STS: variants seen among roughly 807,000 people sequenced by gnomAD.
STS encodes the protein steryl-sulfatase.
STS carries 7 observed loss-of-function variants against 26.8 expected under a neutral mutation model. That is an observed-to-expected ratio of 0.26 (90% CI 0.15 to 0.49). The LOEUF (loss-of-function observed/expected upper bound fraction) is 0.49. STS is among the 20% of genes least tolerant of loss of function. STS has a pLI of 0.98. For synonymous variants in STS, 199 were observed against 189.4 expected, an observed-to-expected ratio of 1.05 and a Z score of -0.42; for missense variants, 434 against 465.6, an observed-to-expected ratio of 0.93 and a Z score of 0.63.
chrX:7,257,129 G>A (rs371667398), intron 3 of STS, 113 bp from the exon 4 acceptor site: 33 of 1,047,665 alleles, frequency 3.1e-5, no homozygotes, highest in Middle Eastern at 3.6e-4. Context: ...AGTGTGAGCC[G>A]AGATTGCGCC....
chrX:7,287,983 A>AT lies in STS; in HGVS notation c.943+11905dup, dbSNP rs1484204810. On this transcript the variant is annotated intron_variant, in intron 7 of 10. Transcript: ENST00000674429. ...ATCGGGTGAAAAATGCTAGTTCACTATTTTTTTTTCTATTGTGTGTAGGGT... is the reference window on the plus strand; with the variant it reads ...ATCGGGTGAAAAATGCTAGTTCACTATTTTTTTTTTCTATTGTGTGTAGGGT... 6.7e-3 allele frequency among the ~76,000 whole-genome samples: 721 copies of AT among 108,220 alleles called. 2 individuals carry two copies. Among genetic ancestry groups the AT allele is most frequent in the Non-Finnish European group, 0.01 (522 of 52,036 alleles). The allele number at this position is 108,220 out of a possible 115,157, so 94.0% of individuals were successfully genotyped here.
In STS at chrX:7,259,721, A is replaced by T. The variant is rs142920349; in HGVS notation, c.755A>T (p.Tyr252Phe). The change falls in exon 6 of 11, where the codon TAT (tyrosine) becomes TTT (phenylalanine). Residue 252 changes from tyrosine to phenylalanine, a missense_variant. Coordinates refer to ENST00000674429, the MANE Select transcript of STS (RefSeq NM_001320752.2). ...GAGATCATTCAGCAGCCCATGTCCTATGACAATCTCACCCAGAGGCTAACG... is the reference window on the plus strand; with the variant it reads ...GAGATCATTCAGCAGCCCATGTCCTTTGACAATCTCACCCAGAGGCTAACG... ...NYEIIQQPMSYDNLTQRLTVE... is the reference protein window; with the variant it reads ...NYEIIQQPMSFDNLTQRLTVE... 59 of 1,209,176 alleles carry T rather than the reference A, an allele frequency of 4.9e-5. No homozygotes were observed. The African/African-American group carries it at 8.9e-4, about 18-fold the overall frequency.
At position 7,183,696 on chromosome X, in the gene STS, A is replaced by G. The variant is rs1270492621; in HGVS notation, c.-133-7184A>G. On this transcript the variant is annotated intron_variant, in intron 1 of 10. Coordinates refer to ENST00000674429, the MANE Select transcript of STS (RefSeq NM_001320752.2). ...TTCTTTTTGAGATTTCAAATCACCA[A>G]TTAGCTCTTTCAAAATTGTAATACC... Among the ~76,000 whole-genome samples the G allele has an allele frequency of 2.7e-5, 3 of 112,303 alleles. No individual in the cohort carries two copies. In the Admixed American group the frequency reaches 2.8e-4, roughly 11 times the overall value.
At chrX:7,191,077 T>C in intron 2 of STS, 69 bp downstream of exon 2, 1 of 625,269 alleles carries the variant, frequency 1.6e-6, no homozygotes, top group Non-Finnish European at 1.9e-6. Context: ...ACCCAGACCA[T>C]GTTGTCTAAG....
intron 2 of STS, among the ~76,000 whole-genome samples, chrX:7,198,540 G>C (rs1290678316): frequency 6.3e-5 from 7 of 111,966 alleles, no homozygotes; most frequent in African/African-American, 2.3e-4. Flanking sequence ...TTGTCCTACA[G>C]AGGTGGTGTG....
intron 1 of STS, among the ~76,000 whole-genome samples, chrX:7,163,854 C>T (rs1159179591): frequency 2.7e-5 from 3 of 112,191 alleles, no homozygotes; most frequent in African/African-American, 9.7e-5. Flanking sequence ...GGGTCTCATT[C>T]TGTCACCAGG....
chrX:7,148,233 C>T, intron 1 of STS, 150 bp downstream of exon 1: 3 of 357,462 alleles, frequency 8.4e-6, no homozygotes, highest in Non-Finnish European at 9.3e-6. Flanking sequence ...ACGCGCCTTC[C>T]GCGGCCCCTC....
In STS at chrX:7,341,574, A is replaced by G. The variant is rs749082534; in HGVS notation, c.1363+7467A>G. Reference sequence around the variant, plus strand: ...TGCCTTCCTCACTCCGTTATCTGCCATGATCAGACAGTAATCTCCAGTGCC... The same window carrying G: ...TGCCTTCCTCACTCCGTTATCTGCCGTGATCAGACAGTAATCTCCAGTGCC... On this transcript the variant is annotated intron_variant, in intron 10 of 10. Coordinates refer to ENST00000674429, the MANE Select transcript of STS (RefSeq NM_001320752.2). Among the ~76,000 whole-genome samples, 11 of 112,116 alleles carry G rather than the reference A, an allele frequency of 9.8e-5. No individual in the cohort carries two copies. In the East Asian group the frequency reaches 2.8e-3, roughly 29 times the overall value.
chrX:7,258,105 CATAGATAGATAGAT>C (rs1426101794), intron 5 of STS, among the ~76,000 whole-genome samples: 1 of 92,669 alleles, frequency 1.1e-5, no homozygotes, highest in Non-Finnish European at 2.1e-5. Context: ...GAAAAACAGA[CATAGATAGATAGAT>C]AGATAGATAG....
intron 2 of STS, among the ~76,000 whole-genome samples, chrX:7,202,206 A>G (rs1934086025): frequency 8.9e-6 from 1 of 111,858 alleles, no homozygotes; most frequent in Non-Finnish European, 1.9e-5. Context: ...ATTATATAAC[A>G]TAAGGTATAT....
chrX:7,265,734 C>T (rs1407903599), intron 6 of STS, among the ~76,000 whole-genome samples: 2 of 112,200 alleles, frequency 1.8e-5, no homozygotes, highest in African/African-American at 3.2e-5. Context: ...ATCTTGTACA[C>T]TGTGTACATT....
At chrX:7,245,149 G>C (rs1316094895) in intron 2 of STS, among the ~76,000 whole-genome samples, 1 of 111,012 alleles carries the variant, frequency 9.0e-6, no homozygotes, top group East Asian at 2.8e-4. Context: ...ATTAGTTATG[G>C]ATTTGTAAGC....
intron 7 of STS, among the ~76,000 whole-genome samples, chrX:7,298,838 G>C (rs1925788547): frequency 9.2e-6 from 1 of 108,135 alleles, no homozygotes; most frequent in African/African-American, 3.4e-5. Flanking sequence ...AGACTTTAGG[G>C]TACCATTGTG....
At chrX:7,301,203 C>A (rs2147135523) in intron 7 of STS, among the ~76,000 whole-genome samples, 1 of 98,171 alleles carries the variant, frequency 1.0e-5, no homozygotes, top group South Asian at 5.0e-4. Context: ...GCCCGGGCAA[C>A]AAACTGAGAC....
At chrX:7,332,876 A>G (rs1927826202) in intron 9 of STS, among the ~76,000 whole-genome samples, 1 of 111,738 alleles carries the variant, frequency 8.9e-6, no homozygotes, top group Admixed American at 9.5e-5. Flanking sequence ...TTTTGTTCTT[A>G]TTTTTACTTA....
intron 2 of STS, among the ~76,000 whole-genome samples, chrX:7,208,749 T>G (rs1158071852): frequency 8.9e-6 from 1 of 111,766 alleles, no homozygotes; most frequent in Non-Finnish European, 1.9e-5. Context: ...TAAAACTATG[T>G]AAAACAATAT....
chrX:7,149,665 A>T (rs1275428155), intron 1 of STS, among the ~76,000 whole-genome samples: 1 of 111,993 alleles, frequency 8.9e-6, no homozygotes, highest in Admixed American at 9.4e-5. Flanking sequence ...TAAACAGCAG[A>T]TGTGTATTGT....
intron 6 of STS, among the ~76,000 whole-genome samples, chrX:7,263,143 A>G: frequency 9.0e-6 from 1 of 111,359 alleles, no homozygotes; most frequent in Middle Eastern, 4.6e-3. Context: ...ATCTCGGCTC[A>G]CTGCAATCTC....
chrX:7,158,251 C>T (rs1190451176), intron 1 of STS, among the ~76,000 whole-genome samples: 2 of 111,351 alleles, frequency 1.8e-5, no homozygotes, highest in African/African-American at 6.5e-5. Flanking sequence ...CTTCTGATCT[C>T]GAGGACTAGG....
Sources: allele counts gnomAD v4.1 joint callset (sites outside exome capture counted in the v4.1 genomes callset), GRCh38; gene constraint gnomAD v4.1.1; transcripts MANE v1.5; gene names NCBI Gene and HGNC (gene_info 2026-07-23, HGNC 2026-07-21).